The following PNKD variants were observed in gnomAD, a reference collection of about 807,000 sequenced individuals.
PNKD encodes the protein PNKD metallo-beta-lactamase domain containing.
In PNKD, 36 loss-of-function variants were observed where a neutral mutation model predicts 45.3. The ratio of observed to expected loss-of-function variants is 0.80; its 90% CI spans 0.61 to 1.05. PNKD has a LOEUF of 1.05. Ranked by LOEUF, PNKD falls within the 50% of genes least tolerant of loss-of-function variation. The probability of loss-of-function intolerance (pLI) is 0.00; values close to 1 mark genes in which losing one functional copy is unlikely to be tolerated. For synonymous variants in PNKD, 197 were observed against 210.1 expected, an observed-to-expected ratio of 0.94 and a Z score of 0.54; for missense variants, 511 against 506.6, an observed-to-expected ratio of 1.01 and a Z score of -0.08.
intron 2 of PNKD, chr2:218,290,230 C>G (rs183305435): frequency 6.6e-6 from 1 of 152,344 alleles, no homozygotes; most frequent in East Asian, 1.9e-4. Context: ...GCATATTCTG[C>G]CCCTGAGAAG....
chr2:218,300,070 T>C (rs772810843), intron 2 of PNKD, among the ~76,000 whole-genome samples: 5 of 152,144 alleles, frequency 3.3e-5, no homozygotes, highest in Admixed American at 6.6e-5. Flanking sequence ...ACCTCTTTCT[T>C]ATCTCTCACA....
chr2:218,315,057 T>TCTTTCTTTCTTTCTTTCTTTCTTCCTTC lies in PNKD; in HGVS notation c.237-24723_237-24722insTCTTTCTTTCTTTCTTTCTTCCTTCCTT, dbSNP rs61429059. On this transcript the variant is annotated intron_variant, in intron 2 of 9. Transcript: ENST00000273077. ...CTTTCTTTTTCTTTCTTTCTTTCTTTCTTCCTTCCTTCCTTCCTTTCTTTC... is the reference window on the plus strand; with the variant it reads ...CTTTCTTTTTCTTTCTTTCTTTCTTTCTTTCTTTCTTTCTTTCTTTCTTCCTTCCTTCCTTCCTTCCTTCCTTTCTTTC... Among the ~76,000 whole-genome samples, 273 of 55,586 alleles carry TCTTTCTTTCTTTCTTTCTTTCTTCCTTC rather than the reference T, an allele frequency of 4.9e-3. 28 individuals are homozygous for TCTTTCTTTCTTTCTTTCTTTCTTCCTTC. The highest frequency in any genetic ancestry group is 0.014 in the African/African-American group (235 of 16,678). 36.5% of individuals were successfully genotyped at this position (55,586 alleles called of 152,430 possible).
intron 2 of PNKD, among the ~76,000 whole-genome samples, chr2:218,321,000 T>C (rs972031806): frequency 6.6e-6 from 1 of 152,184 alleles, no homozygotes; most frequent in Non-Finnish European, 1.5e-5. Context: ...CCTCACTCCT[T>C]TTCCCAGTCC....
At chr2:218,342,544 A>G (rs547824314) in intron 7 of PNKD, among the ~76,000 whole-genome samples, 60 of 151,868 alleles carry the variant, frequency 4.0e-4, no homozygotes, top group African/African-American at 1.4e-3. Context: ...TACTAAAAAT[A>G]CAGAAATTAG....
At chr2:218,298,508 A>G (rs1025972220) in intron 2 of PNKD, among the ~76,000 whole-genome samples, 6 of 152,184 alleles carry the variant, frequency 3.9e-5, no homozygotes, top group African/African-American at 1.4e-4. Context: ...TGGTAATAAT[A>G]TAGGGTAGTT....
At chr2:218,276,456 A>C (rs1372381427) in intron 2 of PNKD, among the ~76,000 whole-genome samples, 1 of 151,992 alleles carries the variant, frequency 6.6e-6, no homozygotes, top group Non-Finnish European at 1.5e-5. Context: ...AGGCCCCCCA[A>C]CCCCTCTGGT....
intron 8 of PNKD, 119 bp from the exon 9 acceptor site, chr2:218,344,336 G>A (rs546071258): frequency 2.7e-6 from 2 of 750,078 alleles, no homozygotes; most frequent in African/African-American, 1.7e-5. Context: ...TCCTGGAAGT[G>A]CTGACCTCAT....
At chr2:218,320,808 C>T (rs547380645) in intron 2 of PNKD, among the ~76,000 whole-genome samples, 2 of 152,258 alleles carry the variant, frequency 1.3e-5, no homozygotes, top group South Asian at 4.1e-4. Flanking sequence ...GTTAAGTATT[C>T]TAGGGTATAA....
At chr2:218,344,374 G>C (rs1453783630) in intron 8 of PNKD, 81 bp from the exon 9 acceptor site, 1 of 1,043,288 alleles carries the variant, frequency 9.6e-7, no homozygotes, top group Non-Finnish European at 1.5e-6. Context: ...CCATCAGCCT[G>C]GACCTGGGGC....
At chr2:218,271,638 G>A (rs756582732) in intron 2 of PNKD, 89 bp downstream of exon 2, 15 of 1,171,500 alleles carry the variant, frequency 1.3e-5, no homozygotes, top group Non-Finnish European at 1.9e-5. Context: ...TTCAGGTGGC[G>A]AGCTGAATCC....
chr2:218,279,924 A>G lies in PNKD; in HGVS notation c.236+8375A>G. 4.7e-6 allele frequency: 4 copies of G among 849,590 alleles called. No individual in the cohort carries two copies. The South Asian group carries it at 5.7e-5, about 12-fold the overall frequency. 52.6% of individuals were successfully genotyped at this position (849,590 alleles called of 1,614,324 possible). ...GCTAGAGAAGACAGGCAGCCAGTGT[A>G]TTTCATGGAATTGATGCCCTGGGGC... On this transcript the variant is annotated intron_variant, in intron 2 of 9. Transcript: ENST00000273077.
intron 2 of PNKD, among the ~76,000 whole-genome samples, chr2:218,273,446 GTTT>G (rs11299679): frequency 2.5e-5 from 3 of 121,672 alleles, no homozygotes; most frequent in Admixed American, 8.3e-5. Flanking sequence ...TACTTTTTGT[GTTT>G]TTTTTTTTTT....
At chr2:218,309,633 G>A (rs1693539902) in intron 2 of PNKD, among the ~76,000 whole-genome samples, 1 of 151,744 alleles carries the variant, frequency 6.6e-6, no homozygotes, top group South Asian at 2.1e-4. Flanking sequence ...GGCTGCAGGT[G>A]TCAGAAAACC....
At chr2:218,297,169 A>G (rs1693158205) in intron 2 of PNKD, among the ~76,000 whole-genome samples, 1 of 152,204 alleles carries the variant, frequency 6.6e-6, no homozygotes, top group African/African-American at 2.4e-5. Flanking sequence ...GGAGCCTCTC[A>G]GGCTTGAATG....
intron 8 of PNKD, among the ~76,000 whole-genome samples, chr2:218,344,169 G>A (rs1371720314): frequency 6.6e-6 from 1 of 152,216 alleles, no homozygotes; most frequent in Non-Finnish European, 1.5e-5. Flanking sequence ...GCCATGACTA[G>A]ACCGAGGTCA....
chr2:218,275,103 C>T (rs60211154), intron 2 of PNKD: 1,871 of 163,990 alleles, frequency 0.011, 41 homozygotes, highest in African/African-American at 0.042. Flanking sequence ...AGGGGAACCT[C>T]GTGACCTTGA....
intron 2 of PNKD, among the ~76,000 whole-genome samples, chr2:218,328,938 T>G (rs183536003): frequency 6.6e-6 from 1 of 152,320 alleles, no homozygotes; most frequent in African/African-American, 2.4e-5. Flanking sequence ...CCGGGCACAG[T>G]GGCTCACACC....
At position 218,315,237 on chromosome 2, in the gene PNKD, G is replaced by T. The variant is rs1295428497; in HGVS notation, c.237-24546G>T. 6.0e-5 allele frequency among the ~76,000 whole-genome samples: 9 copies of T among 151,220 alleles called. No individual in the cohort carries two copies. The East Asian group carries it at 1.7e-3, about 29-fold the overall frequency. On this transcript the variant is annotated intron_variant, in intron 2 of 9. Coordinates refer to ENST00000273077, the MANE Select transcript of PNKD (RefSeq NM_015488.5). ...GCTCACTGTGACCTCTGCCTCCCAG[G>T]TTCAAGCTATTCTCCTGCCCCAGCC...
rs2106298428 is a variant in PNKD at position 218,344,537 on chromosome 2, G to A, written c.951G>A (p.Trp317Ter). The change falls in exon 9 of 10, where the codon TGG becomes TGA. Residue 317 changes from tryptophan to a stop codon, truncating the protein, a stop_gained. Transcript: ENST00000273077. LOFTEE classifies it high-confidence loss of function. ...TGGCCCGGGAGAGGAAGATGCAGTG[G>A]GTGCAGCGGCAGCGGCTGGAGCGCA... is the stretch of plus-strand genomic sequence containing the variant. Reference protein sequence around the residue: ...ENLARERKMQWVQRQRLERKG... With the variant: ...ENLARERKMQ The A allele has an allele frequency of 6.3e-7, 1 of 1,591,498 alleles. No individual in the cohort carries two copies. The highest frequency in any genetic ancestry group is 8.6e-7 in the Non-Finnish European group (1 of 1,168,812).
Sources: allele counts gnomAD v4.1 joint callset (sites outside exome capture counted in the v4.1 genomes callset), GRCh38; gene constraint gnomAD v4.1.1; transcripts MANE v1.5; gene names NCBI Gene and HGNC (gene_info 2026-07-23, HGNC 2026-07-21).